PAFAH1B1: variants seen among roughly 807,000 people sequenced by gnomAD.
PAFAH1B1 encodes the protein platelet-activating factor acetylhydrolase IB subunit beta.
Under a neutral mutation model 57.5 loss-of-function variants are expected in PAFAH1B1, and 2 were observed. The ratio of observed to expected loss-of-function variants is 0.03; its 90% CI spans 0.01 to 0.11. PAFAH1B1 has a LOEUF of 0.11. Among genes scored for constraint, PAFAH1B1 ranks in the 10% least tolerant of loss-of-function variants. The probability of loss-of-function intolerance (pLI) is 1.00; values close to 1 mark genes in which losing one functional copy is unlikely to be tolerated. For synonymous variants in PAFAH1B1, 152 were observed against 169.6 expected, an observed-to-expected ratio of 0.90 and a Z score of 0.81; for missense variants, 257 against 512.0, an observed-to-expected ratio of 0.50 and a Z score of 4.81.
At chr17:2,602,580 A>G (rs778776709) in intron 1 of PAFAH1B1, among the ~76,000 whole-genome samples, 10 of 152,002 alleles carry the variant, frequency 6.6e-5, no homozygotes, top group Non-Finnish European at 1.5e-4. Context: ...AGTTCACATA[A>G]TCTCTTACCC....
chr17:2,618,604 C>T (rs926289292), intron 1 of PAFAH1B1, among the ~76,000 whole-genome samples: 3 of 151,920 alleles, frequency 2.0e-5, no homozygotes, highest in African/African-American at 4.8e-5. Flanking sequence ...TATTTGACTG[C>T]ATTATAGTAT....
chr17:2,644,940 GATAA>G (rs1246042511), intron 2 of PAFAH1B1, among the ~76,000 whole-genome samples: 3 of 152,120 alleles, frequency 2.0e-5, no homozygotes, highest in African/African-American at 7.2e-5. Flanking sequence ...GAGAGCTTTA[GATAA>G]ATAATTTAAA....
intron 1 of PAFAH1B1, among the ~76,000 whole-genome samples, chr17:2,600,328 C>A (rs1370585193): frequency 1.3e-5 from 2 of 151,544 alleles, no homozygotes; most frequent in Admixed American, 6.6e-5. Context: ...AATCCCAGGA[C>A]TTTGGGAGGC....
At chr17:2,664,695 T>C (rs1031787803) in intron 2 of PAFAH1B1, among the ~76,000 whole-genome samples, 1 of 51,940 alleles carries the variant, frequency 1.9e-5, no homozygotes, top group Non-Finnish European at 5.7e-5. Context: ...TCTCTCTCTT[T>C]CTCTCTCCAT....
chr17:2,636,503 A>T (rs1372515996), intron 1 of PAFAH1B1, among the ~76,000 whole-genome samples: 1 of 151,926 alleles, frequency 6.6e-6, no homozygotes, highest in Non-Finnish European at 1.5e-5. Flanking sequence ...CCCAGACTGG[A>T]GTACAGTAGC....
intron 1 of PAFAH1B1, among the ~76,000 whole-genome samples, chr17:2,623,724 T>G (rs1017293423): frequency 6.9e-6 from 1 of 144,794 alleles, no homozygotes; most frequent in Non-Finnish European, 1.5e-5. Context: ...ACCTCCTGGG[T>G]TGAAGTGATT....
intron 1 of PAFAH1B1, among the ~76,000 whole-genome samples, chr17:2,599,890 TAATA>T (rs2068120501): frequency 6.6e-6 from 1 of 151,950 alleles, no homozygotes; most frequent in Admixed American, 6.6e-5. Context: ...TTGAACATTT[TAATA>T]AATTTAATTT....
intron 1 of PAFAH1B1, among the ~76,000 whole-genome samples, chr17:2,598,965 T>G (rs1176226429): frequency 2.0e-5 from 3 of 152,214 alleles, no homozygotes; most frequent in Non-Finnish European, 4.4e-5. Flanking sequence ...ATGCTTTATA[T>G]TCATTGGTGG....
At chr17:2,599,443 T>G (rs1876657468) in intron 1 of PAFAH1B1, among the ~76,000 whole-genome samples, 2 of 152,208 alleles carry the variant, frequency 1.3e-5, no homozygotes, top group Admixed American at 1.3e-4. Flanking sequence ...ACATATGGTC[T>G]TGTATTGTTG....
chr17:2,651,656 C>T (rs1015948681), intron 2 of PAFAH1B1, among the ~76,000 whole-genome samples: 65 of 137,056 alleles, frequency 4.7e-4, no homozygotes, highest in African/African-American at 1.6e-3. Flanking sequence ...TTTTGTAAAC[C>T]TCCTTGCTTC....
chr17:2,665,989 T>A (rs778311702), intron 3 of PAFAH1B1, 27 bp from the exon 4 acceptor site: 20 of 1,447,524 alleles, frequency 1.4e-5, no homozygotes, highest in Middle Eastern at 2.3e-4. Flanking sequence ...AGCCATTTTT[T>A]AAAAATTCTA....
chr17:2,643,568 T>C (rs1227064526), intron 2 of PAFAH1B1, among the ~76,000 whole-genome samples: 1 of 148,112 alleles, frequency 6.8e-6, no homozygotes, highest in African/African-American at 2.5e-5. Context: ...TTTTTTTTTC[T>C]CTTCCCCCGG....
chr17:2,632,589 G>A (rs2068568699), intron 1 of PAFAH1B1, among the ~76,000 whole-genome samples: 1 of 151,938 alleles, frequency 6.6e-6, no homozygotes, highest in African/African-American at 2.4e-5. Flanking sequence ...TGTATCTGTG[G>A]GTTCTGCATC....
chr17:2,633,230 C>T (rs1242673915), intron 1 of PAFAH1B1, among the ~76,000 whole-genome samples: 2 of 150,126 alleles, frequency 1.3e-5, no homozygotes, highest in Non-Finnish European at 3.0e-5. Flanking sequence ...TGCAGTGATG[C>T]AATCTCAGCT....
chr17:2,642,164 T>C (rs1037637676), intron 2 of PAFAH1B1: 1 of 152,202 alleles, frequency 6.6e-6, no homozygotes, highest in Non-Finnish European at 1.5e-5. Context: ...TTTATTTGTA[T>C]CCCTCTTCTT....
rs1468595323 is a variant in PAFAH1B1, at chr17:2,683,443, A to AT, written c.*1644dup. 1.3e-5 allele frequency: 2 copies of AT among 152,170 alleles called. No homozygotes were observed. Among genetic ancestry groups the AT allele is most frequent in the Non-Finnish European group, 2.9e-5 (2 of 68,034 alleles). The allele number at this position is 152,170 out of a possible 1,614,324, so 9.4% of individuals were successfully genotyped here. ...TGATTTTTTAAATGTCCCCTTTAGT[A>AT]TTTAATGGAAAATTGGTTCCTGCAA... On this transcript the variant is annotated 3_prime_UTR_variant, in exon 11 of 11. Transcript: ENST00000397195.
chr17:2,615,818 G>A (rs963407589), intron 1 of PAFAH1B1, among the ~76,000 whole-genome samples: 1 of 152,204 alleles, frequency 6.6e-6, no homozygotes, highest in African/African-American at 2.4e-5. Flanking sequence ...CTGGGATGAA[G>A]ATTGTACCTA....
At chr17:2,637,482 G>A (rs1412905263) in intron 1 of PAFAH1B1, among the ~76,000 whole-genome samples, 2 of 152,150 alleles carry the variant, frequency 1.3e-5, no homozygotes, top group Non-Finnish European at 2.9e-5. Context: ...TGCTTGGGAA[G>A]CTGAGGTGGG....
intron 1 of PAFAH1B1, among the ~76,000 whole-genome samples, chr17:2,615,363 C>A (rs1364251240): frequency 6.6e-6 from 1 of 152,132 alleles, no homozygotes; most frequent in Admixed American, 6.6e-5. Flanking sequence ...ATGACAAAAT[C>A]TAAAGTCATA....
Sources: allele counts gnomAD v4.1 joint callset (sites outside exome capture counted in the v4.1 genomes callset), GRCh38; gene constraint gnomAD v4.1.1; transcripts MANE v1.5; gene names NCBI Gene and HGNC (gene_info 2026-07-23, HGNC 2026-07-21).